Variants in CAPS2 observed in about 807,000 individuals in gnomAD.
The protein encoded by CAPS2 is calcyphosine 2, also known as calcyphosin-2.
A neutral mutation model predicts 86.5 loss-of-function variants in CAPS2; 98 were observed. That is an observed-to-expected ratio of 1.13 (90% confidence interval 0.96 to 1.34). The LOEUF is 1.34. Ranked by LOEUF, CAPS2 falls within the 40% of genes most tolerant of loss-of-function variation. CAPS2 has a pLI of 0.00. For synonymous variants in CAPS2, 210 were observed against 225.1 expected (o/e 0.93, Z 0.60); for missense variants, 729 against 686.8 (o/e 1.06, Z -0.69).
At chr12:75,341,211 G>A (rs2139310190) in intron 1 of CAPS2, among the ~76,000 whole-genome samples, 1 of 152,234 alleles carries the variant, frequency 6.6e-6, no homozygotes, top group East Asian at 1.9e-4. Context: ...GGAGTTTAGT[G>A]ACTCTATACA....
Position 75,347,803 on chromosome 12 carries a change from C to T in CAPS2, c.-394-24581G>A, listed in dbSNP as rs11180472. On this transcript the variant is annotated intron_variant, in intron 1 of 5. Coordinates refer to the CAPS2 transcript ENST00000551829. ...CCAAATAAGAGGACCTTATACTAGA[C>T]ACAAGTGTATTTTTGATAAGTAATG... 4.5e-3 allele frequency: 3,331 copies of T among 747,174 alleles called. 72 individuals are homozygous for T. The African/African-American group carries it at 0.054, about 12-fold the overall frequency. The allele number at this position is 747,174 out of a possible 1,614,324, so 46.3% of individuals were successfully genotyped here.
At position 75,363,067 on chromosome 12, in the gene CAPS2, G is replaced by C. The variant is rs1281884872; in HGVS notation, c.-395+27771C>G. 10 of 1,105,138 alleles carry C rather than the reference G, an allele frequency of 9.0e-6. No homozygotes were observed. In the Admixed American group the frequency reaches 1.2e-4, roughly 13 times the overall value. The allele number at this position is 1,105,138 out of a possible 1,614,324, so 68.5% of individuals were successfully genotyped here. On this transcript the variant is annotated intron_variant, in intron 1 of 5. Coordinates refer to the CAPS2 transcript ENST00000551829. ...ATGAACAAAATTGGAGAAATTAACAGCCATTTGGCTAATCAATGTTTCTCT... is the reference window on the plus strand; with the variant it reads ...ATGAACAAAATTGGAGAAATTAACACCCATTTGGCTAATCAATGTTTCTCT...
chr12:75,278,673 T>G (rs1157731367), exon 17 of CAPS2: 2 of 1,240,772 alleles, frequency 1.6e-6, no homozygotes, highest in Admixed American at 4.0e-5. Context: ...GGCATACACA[T>G]GCACAAACAC....
At chr12:75,376,435 G>C (rs1218025535) in intron 1 of CAPS2, among the ~76,000 whole-genome samples, 1 of 152,076 alleles carries the variant, frequency 6.6e-6, no homozygotes, top group Non-Finnish European at 1.5e-5. Flanking sequence ...TTACCTCTAG[G>C]GGCCTGCTGG....
At chr12:75,325,044 C>T in intron 2 of CAPS2, among the ~76,000 whole-genome samples, 195 bp downstream of exon 3, 1 of 151,978 alleles carries the variant, frequency 6.6e-6, no homozygotes, top group South Asian at 2.1e-4. Context: ...GAAGTATTAC[C>T]TATAATTCTA....
chr12:75,369,603 A>G, intron 1 of CAPS2: 1 of 984,820 alleles, frequency 1.0e-6, no homozygotes, highest in Non-Finnish European at 1.2e-6. Flanking sequence ...ATTGTTAATG[A>G]GTTCTGCATA....
chr12:75,299,815 A>T (rs766579082), intron 9 of CAPS2, 22 bp downstream of exon 9: 8 of 1,284,116 alleles, frequency 6.2e-6, no homozygotes, highest in Non-Finnish European at 8.8e-6. Flanking sequence ...AGGATTAAAA[A>T]TTTTAATAAA....
exon 17 of CAPS2, chr12:75,277,219 T>A: frequency 2.0e-6 from 2 of 978,754 alleles, no homozygotes; most frequent in Non-Finnish European, 2.4e-6. Context: ...CCTTTTTTTT[T>A]TTTTTTACAG....
chr12:75,293,252 A>C, exon 12 of CAPS2: 1 of 1,572,332 alleles, frequency 6.4e-7, no homozygotes, highest in Non-Finnish European at 8.7e-7. Flanking sequence ...AACTTACTTG[A>C]GAGAATCCAA....
At chr12:75,343,545 C>A in intron 1 of CAPS2, 5 of 631,472 alleles carry the variant, frequency 7.9e-6, no homozygotes, top group East Asian at 2.9e-5. Context: ...AAAAAGAAAT[C>A]ACTAACTATG....
At chr12:75,310,714 T>C (rs2039061664) in intron 7 of CAPS2, among the ~76,000 whole-genome samples, 1 of 152,112 alleles carries the variant, frequency 6.6e-6, no homozygotes, top group South Asian at 2.1e-4. Context: ...ACTCTGCTAA[T>C]CTCAACTGAA....
downstream of CAPS2, chr12:75,276,115 C>A: frequency 7.6e-7 from 1 of 1,308,830 alleles, no homozygotes; most frequent in Non-Finnish European, 1.0e-6. Flanking sequence ...CGAATACATC[C>A]ATGTCCACCC....
intron 1 of CAPS2, among the ~76,000 whole-genome samples, chr12:75,379,794 A>G (rs2044857508): frequency 6.6e-6 from 1 of 151,538 alleles, no homozygotes; most frequent in Admixed American, 6.6e-5. Context: ...GAAATGGTGA[A>G]GAGATAGTTT....
chr12:75,325,334 T>C (rs1221107794), intron 1 of CAPS2, 46 bp from the exon 3 acceptor site: 14 of 1,269,754 alleles, frequency 1.1e-5, no homozygotes, highest in Non-Finnish European at 1.5e-5. Flanking sequence ...AATATGAATA[T>C]ACCCTTTATA....
At chr12:75,369,304 A>G (rs1267980633) in intron 1 of CAPS2, among the ~76,000 whole-genome samples, 3 of 151,554 alleles carry the variant, frequency 2.0e-5, no homozygotes, top group Non-Finnish European at 4.4e-5. Context: ...TATCATTTTT[A>G]CTCATCTTAT....
At chr12:75,298,842 C>A in intron 10 of CAPS2, 29 bp downstream of exon 10, 1 of 1,589,620 alleles carries the variant, frequency 6.3e-7, no homozygotes, top group Non-Finnish European at 8.6e-7. Context: ...TGAACATCTC[C>A]AGAGTTCTAA....
At chr12:75,377,796 A>G (rs2044730047) in intron 1 of CAPS2, among the ~76,000 whole-genome samples, 2 of 151,628 alleles carry the variant, frequency 1.3e-5, no homozygotes, top group African/African-American at 4.9e-5. Flanking sequence ...AATACTTTGC[A>G]TCCTCCAATC....
intron 1 of CAPS2, among the ~76,000 whole-genome samples, chr12:75,389,773 G>C (rs961954158): frequency 6.6e-6 from 1 of 152,104 alleles, no homozygotes; most frequent in Non-Finnish European, 1.5e-5. Context: ...TCCTCCACAA[G>C]AGTACCAAGC....
At chr12:75,373,893 G>A (rs1429531731) in intron 1 of CAPS2, 1 of 152,108 alleles carries the variant, frequency 6.6e-6, no homozygotes, top group Non-Finnish European at 1.5e-5. Context: ...ATGATGAAAT[G>A]CTTCTGTGCA....
Sources: allele counts gnomAD v4.1 joint callset (sites outside exome capture counted in the v4.1 genomes callset), GRCh38; gene constraint gnomAD v4.1.1; transcripts MANE v1.5; gene names NCBI Gene and HGNC (gene_info 2026-07-23, HGNC 2026-07-21).